The following NFIA variants were observed in gnomAD, a reference collection of about 807,000 sequenced individuals.
NFIA encodes nuclear factor I A.
In NFIA, 8 loss-of-function variants were observed where a neutral mutation model predicts 62.8. The ratio of observed to expected loss-of-function variants is 0.13; its 90% CI spans 0.07 to 0.23. The LOEUF (loss-of-function observed/expected upper bound fraction) is 0.23, where lower values mean the gene tolerates loss of function less well. NFIA is among the 10% of genes least tolerant of loss of function. The pLI is 1.00. For missense variants in NFIA, 410 were observed against 642.1 expected (o/e 0.64, Z 3.91); for synonymous variants, 235 against 238.1 (o/e 0.99, Z 0.12).
intron 2 of NFIA, among the ~76,000 whole-genome samples, chr1:61,260,968 TA>T (rs1262474098): frequency 2.2e-4 from 33 of 152,206 alleles, no homozygotes; most frequent in Admixed American, 2.2e-3. Flanking sequence ...TTTCTAAAGT[TA>T]TTTAGTGTTT....
At chr1:61,091,946 A>G (rs1369546690) in intron 2 of NFIA, among the ~76,000 whole-genome samples, 1 of 151,886 alleles carries the variant, frequency 6.6e-6, no homozygotes, top group Non-Finnish European at 1.5e-5. Flanking sequence ...GTGAAAGGTT[A>G]TACTTTTTAA....
chr1:61,444,104 C>A (rs1193459218), intron 10 of NFIA, among the ~76,000 whole-genome samples: 2 of 152,094 alleles, frequency 1.3e-5, no homozygotes, highest in Non-Finnish European at 2.9e-5. Context: ...TTAAGCAAAC[C>A]CTTGTTTTAA....
chr1:61,244,411 T>C (rs901845186), intron 2 of NFIA, among the ~76,000 whole-genome samples: 1 of 152,176 alleles, frequency 6.6e-6, no homozygotes, highest in Non-Finnish European at 1.5e-5. Context: ...TTTTGTAGGC[T>C]TTCCTCCCCA....
chr1:61,409,231 G>T (rs1665986933), intron 9 of NFIA, among the ~76,000 whole-genome samples: 1 of 152,164 alleles, frequency 6.6e-6, no homozygotes, highest in East Asian at 1.9e-4. Context: ...CTTACTTTTT[G>T]AATCATGGGA....
chr1:61,238,468 C>T (rs961209942), intron 2 of NFIA, among the ~76,000 whole-genome samples: 1 of 152,114 alleles, frequency 6.6e-6, no homozygotes, highest in Non-Finnish European at 1.5e-5. Context: ...CAGTTGTTCC[C>T]TTGTCTCCTG....
chr1:61,200,038 A>ATATATG (rs1557631953), intron 2 of NFIA, among the ~76,000 whole-genome samples: 43 of 46,960 alleles, frequency 9.2e-4, no homozygotes, highest in African/African-American at 4.2e-3. Context: ...ATATATATAT[A>ATATATG]TATATATATA....
intron 9 of NFIA, among the ~76,000 whole-genome samples, chr1:61,418,169 TCATC>T (rs1391570571): frequency 1.3e-5 from 2 of 152,204 alleles, no homozygotes; most frequent in Non-Finnish European, 2.9e-5. Flanking sequence ...TATTTAAAAA[TCATC>T]CATAATCCGG....
At position 61,462,139 on chromosome 1, in the gene NFIA, G is replaced by A. The variant is rs1181062091; in HGVS notation, c.*6819G>A. ...GGGACAGAGGCTTGAGAGAACTAACGGCTCGGTGCCTTCTCCCTGGTCTCA... is the reference window on the plus strand; with the variant it reads ...GGGACAGAGGCTTGAGAGAACTAACAGCTCGGTGCCTTCTCCCTGGTCTCA... On this transcript the variant is annotated 3_prime_UTR_variant, in exon 11 of 11. Transcript: ENST00000403491. The A allele has an allele frequency of 3.4e-5, 5 of 148,364 alleles. No individual in the cohort carries two copies. The highest frequency in any genetic ancestry group is 7.5e-5 in the African/African-American group (3 of 40,034). 9.2% of individuals were successfully genotyped at this position (148,364 alleles called of 1,614,324 possible).
chr1:61,135,780 G>A (rs919475124), intron 2 of NFIA, among the ~76,000 whole-genome samples: 4 of 152,058 alleles, frequency 2.6e-5, no homozygotes, highest in African/African-American at 4.8e-5. Context: ...ATTTGCTAAC[G>A]ACAGTCATCC....
intron 2 of NFIA, among the ~76,000 whole-genome samples, chr1:61,212,753 C>G (rs1653346827): frequency 6.6e-6 from 1 of 152,178 alleles, no homozygotes; most frequent in Admixed American, 6.5e-5. Context: ...CTGCAGACCC[C>G]CACCCTGCTC....
intron 6 of NFIA, among the ~76,000 whole-genome samples, chr1:61,360,571 G>A (rs759010969): frequency 6.6e-6 from 1 of 152,142 alleles, no homozygotes; most frequent in Non-Finnish European, 1.5e-5. Context: ...AAGTACAGAC[G>A]AGCACCAAGA....
intron 2 of NFIA, among the ~76,000 whole-genome samples, chr1:61,211,200 C>T (rs1027259646): frequency 1.3e-5 from 2 of 152,064 alleles, no homozygotes; most frequent in Admixed American, 1.3e-4. Context: ...TGCCCTGAAT[C>T]GCATATATTA....
intron 2 of NFIA, among the ~76,000 whole-genome samples, chr1:61,116,467 G>A (rs1381184702): frequency 6.6e-6 from 1 of 152,062 alleles, no homozygotes. Context: ...AACACTGTCA[G>A]TTGTTAAGGC....
In NFIA at chr1:61,221,204, A is replaced by G. The variant is rs140322187; in HGVS notation, c.560-56316A>G. ...AGAATAACAGTTGTTTGAAGAGTGT[A>G]TGTATAAAAATTACATTCTCTATTT... On this transcript the variant is annotated intron_variant, in intron 2 of 10. Transcript: ENST00000403491. Among the ~76,000 whole-genome samples, 90 of 152,058 alleles carry G rather than the reference A, an allele frequency of 5.9e-4. No homozygotes were observed. In the East Asian group the frequency reaches 0.016, roughly 27 times the overall value.
Position 61,455,842 on chromosome 1 carries a change from T to C in NFIA, c.*522T>C, listed in dbSNP as rs1668280304. The C allele has an allele frequency of 1.3e-5, 2 of 155,132 alleles. No homozygotes were observed. The highest frequency in any genetic ancestry group is 4.8e-5 in the African/African-American group (2 of 41,568). The allele number at this position is 155,132 out of a possible 1,614,324, so 9.6% of individuals were successfully genotyped here. Reference sequence around the variant, plus strand: ...CAAAGGGCAATGTTTTTCTGTAACATATTGGAAAAAGAAAATGCAGTTATA... The same window carrying C: ...CAAAGGGCAATGTTTTTCTGTAACACATTGGAAAAAGAAAATGCAGTTATA... On this transcript the variant is annotated 3_prime_UTR_variant, in exon 11 of 11. Transcript: ENST00000403491.
intron 6 of NFIA, among the ~76,000 whole-genome samples, chr1:61,371,863 T>G (rs968809768): frequency 2.0e-5 from 3 of 152,142 alleles, no homozygotes; most frequent in Non-Finnish European, 4.4e-5. Context: ...GTGGTTTGCT[T>G]TCTTGTTTTT....
chr1:61,295,950 A>C (rs188336442), intron 3 of NFIA, among the ~76,000 whole-genome samples: 67 of 152,308 alleles, frequency 4.4e-4, no homozygotes, highest in Middle Eastern at 3.4e-3. Flanking sequence ...ATGGTAACAA[A>C]GCTGTTGCAT....
chr1:61,137,155 T>C (rs545092079), intron 2 of NFIA, among the ~76,000 whole-genome samples: 5 of 152,256 alleles, frequency 3.3e-5, no homozygotes, highest in African/African-American at 9.6e-5. Context: ...GAAGAAAAGG[T>C]GACTCAAACA....
At chr1:61,350,616 G>T (rs2364466) in intron 4 of NFIA, among the ~76,000 whole-genome samples, 65,445 of 151,844 alleles carry the variant, frequency 0.43, 15,254 homozygotes, top group East Asian at 0.65. Context: ...CACTTAGCCT[G>T]TGTGGCAAAG....
Sources: gnomAD v4.1 joint callset for allele counts (sites outside exome capture counted in the v4.1 genomes callset) on GRCh38, gnomAD v4.1.1 for gene constraint, MANE v1.5 for transcripts, NCBI Gene and HGNC (gene_info 2026-07-23, HGNC 2026-07-21) for gene names.